Variants in EDAR observed in about 807,000 individuals in gnomAD.
EDAR encodes tumor necrosis factor receptor superfamily member EDAR.
Under a neutral mutation model 51.3 loss-of-function variants are expected in EDAR, and 38 were observed. The ratio of observed to expected loss-of-function variants is 0.74; its 90% CI spans 0.57 to 0.97. EDAR has a LOEUF of 0.97. Ranked by LOEUF, EDAR falls within the 50% of genes least tolerant of loss-of-function variation. The pLI is 0.00. For synonymous variants in EDAR, 227 were observed against 242.1 expected (o/e 0.94, Z 0.58); for missense variants, 528 against 595.0 (o/e 0.89, Z 1.17).
intron 11 of EDAR, among the ~76,000 whole-genome samples, chr2:108,902,801 A>C (rs1009670432): frequency 6.6e-6 from 1 of 152,216 alleles, no homozygotes; most frequent in African/African-American, 2.4e-5. Context: ...TATTATACTT[A>C]ATGGTGAAAA....
chr2:108,954,778 C>T lies in EDAR; in HGVS notation c.-18-23746G>A, dbSNP rs979479591. Among the ~76,000 whole-genome samples, 11 of 151,990 alleles carry T rather than the reference C, an allele frequency of 7.2e-5. No homozygotes were observed. In the East Asian group the frequency reaches 1.4e-3, roughly 19 times the overall value. On this transcript the variant is annotated intron_variant, in intron 1 of 11. Coordinates refer to ENST00000258443, the MANE Select transcript of EDAR (RefSeq NM_022336.4). Reference sequence around the variant, plus strand: ...GCAACCTCCACCTCCCAGGTTCAAGCGATTCTCCTGTCTCAGCCTCCTGAG... The same window carrying T: ...GCAACCTCCACCTCCCAGGTTCAAGTGATTCTCCTGTCTCAGCCTCCTGAG...
At chr2:108,967,149 G>T (rs1698162944) in intron 1 of EDAR, among the ~76,000 whole-genome samples, 1 of 152,134 alleles carries the variant, frequency 6.6e-6, no homozygotes, top group African/African-American at 2.4e-5. Flanking sequence ...TGGTTAGGCT[G>T]GTTTTGAACT....
At position 108,913,108 on chromosome 2, in the gene EDAR, C is replaced by G. The variant is rs543216407; in HGVS notation, c.443-344G>C. Among the ~76,000 whole-genome samples, 8 of 152,166 alleles carry G rather than the reference C, an allele frequency of 5.3e-5. No individual in the cohort carries two copies. In the East Asian group the frequency reaches 1.4e-3, roughly 26 times the overall value. Reference sequence around the variant, plus strand: ...GGACTACAGGCACCCACCACCACACCTGGCTAATTTTTTTGTATTTTTAGT... The same window carrying G: ...GGACTACAGGCACCCACCACCACACGTGGCTAATTTTTTTGTATTTTTAGT... On this transcript the variant is annotated intron_variant, in intron 5 of 11. Coordinates refer to ENST00000258443, the MANE Select transcript of EDAR (RefSeq NM_022336.4).
At chr2:108,958,067 T>G (rs192556979) in intron 1 of EDAR, among the ~76,000 whole-genome samples, 4 of 152,074 alleles carry the variant, frequency 2.6e-5, no homozygotes, top group African/African-American at 9.7e-5. Flanking sequence ...CAAATTACCA[T>G]GCCCGTGAGC....
intron 3 of EDAR, 134 bp downstream of exon 3, chr2:108,929,986 C>T: frequency 9.0e-7 from 1 of 1,116,496 alleles, no homozygotes; most frequent in Non-Finnish European, 1.3e-6. Flanking sequence ...ATCTCAACGT[C>T]CAGGGAGCGT....
intron 1 of EDAR, among the ~76,000 whole-genome samples, chr2:108,936,164 C>T (rs951571182): frequency 6.6e-6 from 1 of 152,264 alleles, no homozygotes; most frequent in Non-Finnish European, 1.5e-5. Flanking sequence ...AAAAGCTTCT[C>T]CCTGAAAGGG....
intron 1 of EDAR, 138 bp from the exon 2 acceptor site, chr2:108,931,170 G>C: frequency 1.3e-6 from 1 of 754,330 alleles, no homozygotes; most frequent in Non-Finnish European, 2.3e-6. Flanking sequence ...AAGAAAAGCA[G>C]ACATGAAGCT....
chr2:108,904,067 T>A (rs1320484703), intron 11 of EDAR, among the ~76,000 whole-genome samples: 1 of 152,022 alleles, frequency 6.6e-6, no homozygotes, highest in African/African-American at 2.4e-5. Flanking sequence ...CACATATCCA[T>A]CATAGGACTA....
At chr2:108,940,940 G>A (rs1697581448) in intron 1 of EDAR, among the ~76,000 whole-genome samples, 2 of 152,172 alleles carry the variant, frequency 1.3e-5, no homozygotes, top group African/African-American at 4.8e-5. Flanking sequence ...GGGAGACTTT[G>A]ATAACGTATA....
chr2:108,929,433 C>T (rs1003878684), intron 3 of EDAR, 54 bp from the exon 4 acceptor site: 80 of 1,573,540 alleles, frequency 5.1e-5, no homozygotes, highest in Admixed American at 2.0e-4. Context: ...CCAAACCATA[C>T]GGACTCGGCC....
At chr2:108,927,142 C>A (rs1316323250) in intron 4 of EDAR, among the ~76,000 whole-genome samples, 4 of 152,212 alleles carry the variant, frequency 2.6e-5, no homozygotes, top group Admixed American at 6.5e-5. Flanking sequence ...CCATCGTCTG[C>A]ACCCCTGCGG....
At chr2:108,905,009 T>C (rs1275665120) in intron 11 of EDAR, among the ~76,000 whole-genome samples, 3 of 152,116 alleles carry the variant, frequency 2.0e-5, no homozygotes, top group Non-Finnish European at 4.4e-5. Flanking sequence ...TACCACTGCA[T>C]GGTAAGAAGT....
chr2:108,921,936 G>A (rs1032720105), intron 5 of EDAR, among the ~76,000 whole-genome samples: 3 of 152,238 alleles, frequency 2.0e-5, no homozygotes, highest in African/African-American at 7.2e-5. Context: ...GCTTTCCTCG[G>A]AGCCGGCTTT....
intron 1 of EDAR, among the ~76,000 whole-genome samples, chr2:108,987,901 G>A (rs1283823513): frequency 6.6e-6 from 1 of 152,212 alleles, no homozygotes; most frequent in Non-Finnish European, 1.5e-5. Context: ...TATTAAGCCA[G>A]GCAAGAAACA....
intron 1 of EDAR, among the ~76,000 whole-genome samples, chr2:108,958,623 T>C (rs1295517973): frequency 6.6e-6 from 1 of 152,162 alleles, no homozygotes; most frequent in Non-Finnish European, 1.5e-5. Flanking sequence ...GCTAGCTCCC[T>C]TAGCAATGGC....
At chr2:108,946,208 A>G (rs1186799371) in intron 1 of EDAR, among the ~76,000 whole-genome samples, 1 of 152,224 alleles carries the variant, frequency 6.6e-6, no homozygotes, top group African/African-American at 2.4e-5. Flanking sequence ...GCACCAGGGC[A>G]TGACTGGGTA....
intron 1 of EDAR, among the ~76,000 whole-genome samples, chr2:108,932,516 G>A (rs1402452514): frequency 8.1e-6 from 1 of 123,920 alleles, no homozygotes; most frequent in Non-Finnish European, 1.6e-5. Context: ...GCGACAGAGT[G>A]AGACTCTGTC....
chr2:108,930,955 AC>A lies in EDAR; in HGVS notation c.51+8del. The A allele has an allele frequency of 6.2e-7, 1 of 1,613,724 alleles. No homozygotes were observed. The highest frequency in any genetic ancestry group is 8.5e-7 in the Non-Finnish European group (1 of 1,179,892). ...GGTGCTGTGGGGGTAAGGGGCTCAGACCACTTACCACCAGGACGGGGAGCCA... is the reference window on the plus strand; with the variant it reads ...GGTGCTGTGGGGGTAAGGGGCTCAGACACTTACCACCAGGACGGGGAGCCA... On this transcript the variant is annotated splice_region_variant and intron_variant, in intron 2 of 11. Coordinates refer to ENST00000258443, the MANE Select transcript of EDAR (RefSeq NM_022336.4).
chr2:108,964,795 G>C (rs973691645), intron 1 of EDAR, among the ~76,000 whole-genome samples: 1 of 152,150 alleles, frequency 6.6e-6, no homozygotes, highest in Non-Finnish European at 1.5e-5. Context: ...CCAGAGAGCT[G>C]AGGTTCCTAA....
Sources: gnomAD v4.1 joint callset for allele counts (sites outside exome capture counted in the v4.1 genomes callset) on GRCh38, gnomAD v4.1.1 for gene constraint, MANE v1.5 for transcripts, NCBI Gene and HGNC (gene_info 2026-07-23, HGNC 2026-07-21) for gene names.